The following GALNT11 variants were observed in gnomAD, a reference collection of about 807,000 sequenced individuals.
GALNT11 encodes the protein UDP-GalNAc:polypeptide N-acetylgalactosaminyltransferase 11.
A neutral mutation model predicts 72.7 loss-of-function variants in GALNT11; 47 were observed. The ratio of observed to expected loss-of-function variants is 0.65; its 90% CI spans 0.51 to 0.82. The LOEUF (loss-of-function observed/expected upper bound fraction) is 0.82, where lower values mean the gene tolerates loss of function less well. Among genes scored for constraint, GALNT11 ranks in the 40% least tolerant of loss-of-function variants. GALNT11 has a pLI of 0.00. For missense variants in GALNT11, 677 were observed against 778.4 expected (o/e 0.87, Z 1.55); for synonymous variants, 270 against 286.6 (o/e 0.94, Z 0.58).
At chr7:152,108,409 T>C in intron 6 of GALNT11, 122 bp downstream of exon 6, 4 of 1,418,302 alleles carry the variant, frequency 2.8e-6, no homozygotes, top group Non-Finnish European at 3.8e-6. Flanking sequence ...AATTTGTACG[T>C]TAAAAATTCT....
At chr7:152,115,030 G>A (rs533564680) in intron 8 of GALNT11, among the ~76,000 whole-genome samples, 1 of 152,270 alleles carries the variant, frequency 6.6e-6, no homozygotes, top group South Asian at 2.1e-4. Flanking sequence ...GGGGGCAGTA[G>A]GGACTCCACA....
chr7:152,074,128 T>G (rs1234314561), intron 1 of GALNT11, among the ~76,000 whole-genome samples: 1 of 152,212 alleles, frequency 6.6e-6, no homozygotes, highest in African/African-American at 2.4e-5. Context: ...CTTTGCTGTA[T>G]AGAAGTTTTT....
At chr7:152,046,366 G>A (rs1013520859) in intron 1 of GALNT11, among the ~76,000 whole-genome samples, 4 of 152,066 alleles carry the variant, frequency 2.6e-5, no homozygotes, top group African/African-American at 9.7e-5. Flanking sequence ...TTGATTTTTT[G>A]TCTGGATGAT....
rs1341600506 is a variant in GALNT11, at chr7:152,122,231, A to C, written c.*554A>C. The C allele has an allele frequency of 6.6e-6, 1 of 152,194 alleles. No homozygotes were observed. The allele number at this position is 152,194 out of a possible 1,614,324, so 9.4% of individuals were successfully genotyped here. A position where few individuals can be genotyped will look rare whatever the true frequency, so the allele number is the denominator to read the frequency against. ...GATCATTTTAAAAAACTGAATCTAT[A>C]TTATGTTTAACTTCAGAAGGCATCA... is the stretch of plus-strand genomic sequence containing the variant. On this transcript the variant is annotated 3_prime_UTR_variant, in exon 12 of 12. Transcript: ENST00000430044.
In GALNT11 at chr7:152,121,535, CT is replaced by C; in HGVS notation, c.1696-4del. ...ATTGGCAGTATTTTTTTGTTGCTACCTTTTTTTCAGAAAAACAATCGGCTAT... is the reference window on the plus strand; with the variant it reads ...ATTGGCAGTATTTTTTTGTTGCTACCTTTTTTCAGAAAAACAATCGGCTAT... On this transcript the variant is annotated splice_polypyrimidine_tract_variant and intron_variant, in intron 11 of 11. Coordinates refer to ENST00000430044, the MANE Select transcript of GALNT11 (RefSeq NM_022087.4). 6 of 1,600,600 alleles carry C rather than the reference CT, an allele frequency of 3.7e-6. No homozygotes were observed. Among genetic ancestry groups the C allele is most frequent in the Non-Finnish European group, 5.1e-6 (6 of 1,174,206 alleles).
chr7:152,073,258 C>T (rs2084768561), intron 1 of GALNT11, among the ~76,000 whole-genome samples: 1 of 152,294 alleles, frequency 6.6e-6, no homozygotes, highest in East Asian at 1.9e-4. Context: ...TTCCTCCTAT[C>T]TAGCTATAAT....
intron 1 of GALNT11, chr7:152,074,264 A>G (rs573332663): frequency 6.6e-6 from 1 of 152,214 alleles, no homozygotes; most frequent in Admixed American, 6.5e-5. Context: ...CAGTAGTTTT[A>G]TAGTTTCAGG....
intron 1 of GALNT11, among the ~76,000 whole-genome samples, chr7:152,070,288 G>A (rs373039508): frequency 8.6e-4 from 131 of 152,092 alleles, no homozygotes; most frequent in African/African-American, 3.0e-3. Flanking sequence ...GAGCCACCGC[G>A]CCTGGCCTTT....
At position 152,110,929 on chromosome 7, in the gene GALNT11, C is replaced by A. The variant is rs1371662247; in HGVS notation, c.1080+284C>A. On this transcript the variant is annotated intron_variant, in intron 7 of 11. Coordinates refer to ENST00000430044, the MANE Select transcript of GALNT11 (RefSeq NM_022087.4). ...AGAGATGGGCGTCTCACTATGTTGC[C>A]CAGGCTGGTGTCGAACTCTTGGGCT... Among the ~76,000 whole-genome samples, 5 of 151,900 alleles carry A rather than the reference C, an allele frequency of 3.3e-5. No homozygotes were observed. In the East Asian group the frequency reaches 9.7e-4, roughly 29 times the overall value.
rs542860375 is a variant in GALNT11, at chr7:152,061,095, G to T, written c.-38-33095G>T. On this transcript the variant is annotated intron_variant, in intron 1 of 11. Transcript: ENST00000430044. ...ACTAGTTTACAGTCCCACCAACAGTGTAAAAGTGTTCCTATTTCTCCACAT... is the reference window on the plus strand; with the variant it reads ...ACTAGTTTACAGTCCCACCAACAGTTTAAAAGTGTTCCTATTTCTCCACAT... 4.6e-5 allele frequency among the ~76,000 whole-genome samples: 7 copies of T among 152,252 alleles called. No individual in the cohort carries two copies. In the East Asian group the frequency reaches 1.4e-3, roughly 29 times the overall value.
At chr7:152,070,927 A>C (rs188971130) in intron 1 of GALNT11, among the ~76,000 whole-genome samples, 36 of 152,318 alleles carry the variant, frequency 2.4e-4, no homozygotes, top group African/African-American at 8.2e-4. Flanking sequence ...CGTGATGCCC[A>C]ACAAGCCACA....
At chr7:152,032,214 G>A (rs2151984011) in intron 1 of GALNT11, among the ~76,000 whole-genome samples, 1 of 152,352 alleles carries the variant, frequency 6.6e-6, no homozygotes, top group South Asian at 2.1e-4. Context: ...TCTTGGGCCA[G>A]TGCCTGACCA....
intron 1 of GALNT11, among the ~76,000 whole-genome samples, chr7:152,039,320 C>T (rs1215465925): frequency 6.6e-6 from 1 of 152,050 alleles, no homozygotes; most frequent in African/African-American, 2.4e-5. Flanking sequence ...GGTGGTATGC[C>T]TCAATTGTAG....
At position 152,100,907 on chromosome 7, in the gene GALNT11, C is replaced by T; in HGVS notation, c.405C>T (p.Asp135=). The T allele has an allele frequency of 6.2e-7, 1 of 1,613,874 alleles. No homozygotes were observed. Among genetic ancestry groups the T allele is most frequent in the Middle Eastern group, 1.6e-4 (1 of 6,062 alleles). ...DRLGYHRDVP[D]TRNAACKEKF... Reference sequence around the variant, plus strand: ...TGGGCTACCACAGAGATGTGCCAGACACAAGGAATGCAGCGTATGTGCCTT... The same window carrying T: ...TGGGCTACCACAGAGATGTGCCAGATACAAGGAATGCAGCGTATGTGCCTT... Residue 135 remains aspartate, a synonymous_variant, in exon 3 of 12, where the codon GAC becomes GAT. Transcript: ENST00000430044.
intron 7 of GALNT11, among the ~76,000 whole-genome samples, chr7:152,112,154 C>T (rs984754774): frequency 6.6e-6 from 1 of 152,214 alleles, no homozygotes; most frequent in African/African-American, 2.4e-5. Flanking sequence ...TCTCCTAGTC[C>T]AGTTAGCAGA....
chr7:152,090,241 G>T (rs2085924107), intron 1 of GALNT11, among the ~76,000 whole-genome samples: 1 of 152,158 alleles, frequency 6.6e-6, no homozygotes, highest in South Asian at 2.1e-4. Flanking sequence ...TCACAATTTT[G>T]CAAAGGCAGT....
At chr7:152,117,630 G>A in intron 9 of GALNT11, 1 of 518,404 alleles carries the variant, frequency 1.9e-6, no homozygotes, top group Non-Finnish European at 3.4e-6. Flanking sequence ...GAGCGCAGAG[G>A]CATATGGGAA....
At position 152,076,061 on chromosome 7, in the gene GALNT11, CAAAAAAAAAAAAAAA is replaced by C. The variant is rs71198757; in HGVS notation, c.-38-18114_-38-18100del. ...TGGGCGACAGAGCGAGACTCCGTCTCAAAAAAAAAAAAAAAAAAAAAAAAAAAAAGAAGAAGAGAG... is the reference window on the plus strand; with the variant it reads ...TGGGCGACAGAGCGAGACTCCGTCTCAAAAAAAAAAAAAAGAAGAAGAGAG... On this transcript the variant is annotated intron_variant, in intron 1 of 11. Transcript: ENST00000430044. Among the ~76,000 whole-genome samples, 6 of 71,324 alleles carry C rather than the reference CAAAAAAAAAAAAAAA, an allele frequency of 8.4e-5. No homozygotes were observed. The South Asian group carries it at 2.4e-3, about 28-fold the overall frequency. The allele number at this position is 71,324 out of a possible 152,430, so 46.8% of individuals were successfully genotyped here. A position where few individuals can be genotyped will look rare whatever the true frequency, so the allele number is the denominator to read the frequency against.
In GALNT11 at chr7:152,100,798, G is replaced by A; in HGVS notation, c.296G>A (p.Gly99Asp). Reference sequence around the variant, plus strand: ...GCTGACTAACTTCACTCTTTTGCAGGTATGATTTTTAATGAACGCGATCAA... The same window carrying A: ...GCTGACTAACTTCACTCTTTTGCAGATATGATTTTTAATGAACGCGATCAA... ...EGHLKFSSELGMIFNERDQEL... is the reference protein window; with the variant it reads ...EGHLKFSSELDMIFNERDQEL... The change falls in exon 3 of 12, where the codon GGT (glycine) becomes GAT (aspartate). Residue 99 changes from glycine to aspartate, a missense_variant and splice_region_variant. Physicochemically the swap from Gly to Asp is moderately conservative, Grantham distance 94. Transcript: ENST00000430044. 1 of 1,613,368 alleles carries A rather than the reference G, an allele frequency of 6.2e-7. No individual in the cohort carries two copies. Among genetic ancestry groups the A allele is most frequent in the Non-Finnish European group, 8.5e-7 (1 of 1,179,784 alleles).
Sources: allele counts gnomAD v4.1 joint callset (sites outside exome capture counted in the v4.1 genomes callset), GRCh38; gene constraint gnomAD v4.1.1; transcripts MANE v1.5; gene names NCBI Gene and HGNC (gene_info 2026-07-23, HGNC 2026-07-21).